IL31RA: variants seen among roughly 807,000 people sequenced by gnomAD.
IL31RA encodes interleukin 31 receptor A.
IL31RA carries 66 observed loss-of-function variants against 83.7 expected under a neutral mutation model. The observed-to-expected ratio is 0.79, with a 90% confidence interval of 0.65 to 0.97. The LOEUF is 0.97. Ranked by LOEUF, IL31RA falls within the 50% of genes least tolerant of loss-of-function variation. The probability of loss-of-function intolerance (pLI) is 0.00; values close to 1 mark genes in which losing one functional copy is unlikely to be tolerated. For synonymous variants in IL31RA, 325 were observed against 329.0 expected (o/e 0.99, Z 0.13); for missense variants, 798 against 919.4 (o/e 0.87, Z 1.71).
At chr5:55,898,525 AG>A (rs1748576714) in intron 7 of IL31RA, among the ~76,000 whole-genome samples, 2 of 151,912 alleles carry the variant, frequency 1.3e-5, no homozygotes, top group Non-Finnish European at 2.9e-5. Flanking sequence ...TATTTTAAAA[AG>A]AATGTTATTT....
At chr5:55,870,895 A>G (rs551686787) in intron 3 of IL31RA, among the ~76,000 whole-genome samples, 23 of 152,316 alleles carry the variant, frequency 1.5e-4, no homozygotes, top group African/African-American at 5.1e-4. Flanking sequence ...TTTTGAACTG[A>G]GGCTGAAAGG....
At chr5:55,858,518 A>G (rs982474902) in intron 1 of IL31RA, among the ~76,000 whole-genome samples, 1 of 152,188 alleles carries the variant, frequency 6.6e-6, no homozygotes, top group Admixed American at 6.5e-5. Context: ...CCAATTCGCT[A>G]AGGATTTCAG....
chr5:55,872,568 G>T, intron 4 of IL31RA, 117 bp downstream of exon 4: 1 of 352,230 alleles, frequency 2.8e-6, no homozygotes, highest in South Asian at 3.2e-5. Context: ...ATGTGTTGTG[G>T]GTATACAGAA....
chr5:55,873,504 T>C (rs1746661407), intron 4 of IL31RA, among the ~76,000 whole-genome samples: 1 of 152,126 alleles, frequency 6.6e-6, no homozygotes, highest in African/African-American at 2.4e-5. Context: ...CTGCACCATT[T>C]AACATTCCCA....
chr5:55,881,716 AT>A (rs34217814), intron 4 of IL31RA, among the ~76,000 whole-genome samples: 262 of 59,610 alleles, frequency 4.4e-3, no homozygotes, highest in African/African-American at 0.015. Context: ...AGTTCCTGAG[AT>A]TTTTTTTTTT....
At chr5:55,885,469 A>G (rs1423620935) in intron 5 of IL31RA, among the ~76,000 whole-genome samples, 1 of 152,212 alleles carries the variant, frequency 6.6e-6, no homozygotes, top group African/African-American at 2.4e-5. Context: ...ACTGAATACC[A>G]GGCCACCACA....
At chr5:55,873,162 G>A in intron 4 of IL31RA, among the ~76,000 whole-genome samples, 1 of 152,092 alleles carries the variant, frequency 6.6e-6, no homozygotes, top group East Asian at 1.9e-4. Flanking sequence ...AATATAATAT[G>A]TGGTCTTTTT....
intron 1 of IL31RA, among the ~76,000 whole-genome samples, chr5:55,858,322 G>A (rs1161430580): frequency 6.6e-6 from 1 of 152,150 alleles, no homozygotes; most frequent in Non-Finnish European, 1.5e-5. Flanking sequence ...CTAAAGGCGT[G>A]TCTTCTTCTT....
chr5:55,840,953 A>C, the IL31RA span, among the ~76,000 whole-genome samples: 11 of 152,174 alleles, frequency 7.2e-5, no homozygotes, highest in Non-Finnish European at 1.6e-4. Context: ...CATCCTTGGC[A>C]CATAGTAGAT....
chr5:55,868,726 G>C (rs1746332674), intron 2 of IL31RA, 65 bp from the exon 3 acceptor site: 1 of 956,356 alleles, frequency 1.0e-6, no homozygotes. Flanking sequence ...AATGTTCAAT[G>C]CTGGCAATAT....
At chr5:55,888,676 T>C (rs532496657) in intron 5 of IL31RA, among the ~76,000 whole-genome samples, 4 of 152,314 alleles carry the variant, frequency 2.6e-5, no homozygotes, top group Non-Finnish European at 4.4e-5. Context: ...CCTGTTCTAG[T>C]TGGATCCCTA....
At chr5:55,886,818 C>T (rs1242327097) in intron 5 of IL31RA, among the ~76,000 whole-genome samples, 1 of 152,214 alleles carries the variant, frequency 6.6e-6, no homozygotes, top group African/African-American at 2.4e-5. Context: ...TTTCCTAGAA[C>T]ACCCTCTGCT....
In IL31RA at chr5:55,851,454, C is replaced by CAA. The variant is rs139199403; in HGVS notation, c.-109_-108dup. On this transcript the variant is annotated 5_prime_UTR_variant, in exon 1 of 15. Transcript: ENST00000652347. ...ATCACTCATAAAAGGCAAAAAATTG[C>CAA]AAAAAAAAATAGTAATAACCAGCAT... The CAA allele has an allele frequency of 3.9e-6, 6 of 1,557,666 alleles. No homozygotes were observed. The highest frequency in any genetic ancestry group is 1.4e-5 in the African/African-American group (1 of 72,466).
chr5:55,917,737 C>T lies in IL31RA; in HGVS notation c.*617C>T, dbSNP rs1252332842. Among the ~76,000 whole-genome samples, 1 of 152,008 alleles carries T rather than the reference C, an allele frequency of 6.6e-6. No homozygotes were observed. Among genetic ancestry groups the T allele is most frequent in the Non-Finnish European group, 1.5e-5 (1 of 68,038 alleles). On this transcript the variant is annotated 3_prime_UTR_variant, in exon 15 of 15. Transcript: ENST00000652347. ...TAGCAACACCGCACCTGAGAATCCTCACCCCCAATTTAGACTGCATTGACT... is the reference window on the plus strand; with the variant it reads ...TAGCAACACCGCACCTGAGAATCCTTACCCCCAATTTAGACTGCATTGACT...
rs570970315 is a variant in IL31RA at position 55,921,840 on chromosome 5, A to G, written c.*4720A>G. ...ACATTGACAGACCAGCTGAGTTGCTAGAAATAAGAGGGACTCAGTAGGCCC... is the reference window on the plus strand; with the variant it reads ...ACATTGACAGACCAGCTGAGTTGCTGGAAATAAGAGGGACTCAGTAGGCCC... On this transcript the variant is annotated 3_prime_UTR_variant, in exon 15 of 15. Coordinates refer to ENST00000652347, the MANE Select transcript of IL31RA (RefSeq NM_139017.7). Among the ~76,000 whole-genome samples the G allele has an allele frequency of 3.3e-5, 5 of 152,302 alleles. No individual in the cohort carries two copies. The South Asian group carries it at 6.2e-4, about 19-fold the overall frequency.
At chr5:55,857,982 C>T (rs1745456064) in intron 1 of IL31RA, among the ~76,000 whole-genome samples, 1 of 152,102 alleles carries the variant, frequency 6.6e-6, no homozygotes, top group Non-Finnish European at 1.5e-5. Context: ...TTTTCAACTA[C>T]TGTAACTTTT....
Position 55,918,275 on chromosome 5 carries a change from C to A in IL31RA, c.*1155C>A, listed in dbSNP as rs1374100015. ...GTGAGTGGCCCAAGGTGCAGTGAAC[C>A]CAGCACTTGCCAGCCAGGAAGGCTG... On this transcript the variant is annotated 3_prime_UTR_variant, in exon 15 of 15. Coordinates refer to ENST00000652347, the MANE Select transcript of IL31RA (RefSeq NM_139017.7). Among the ~76,000 whole-genome samples the A allele has an allele frequency of 6.6e-6, 1 of 152,140 alleles. No individual in the cohort carries two copies. The highest frequency in any genetic ancestry group is 2.4e-5 in the African/African-American group (1 of 41,428).
intron 5 of IL31RA, among the ~76,000 whole-genome samples, chr5:55,887,624 C>T (rs557972127): frequency 7.2e-5 from 11 of 152,230 alleles, no homozygotes; most frequent in South Asian, 2.1e-4. Flanking sequence ...CGGTGGCTCA[C>T]GCCTGTAATC....
In IL31RA at chr5:55,917,241, C is replaced by A; in HGVS notation, c.*121C>A. On this transcript the variant is annotated 3_prime_UTR_variant, in exon 15 of 15. Coordinates refer to ENST00000652347, the MANE Select transcript of IL31RA (RefSeq NM_139017.7). ...CCACATCCTGCCTAGGTTAAAGTTT[C>A]CCCTGCCCCTTGAGCTGCCAGTTGA... The A allele has an allele frequency of 6.3e-7, 1 of 1,588,028 alleles. No individual in the cohort carries two copies. Among genetic ancestry groups the A allele is most frequent in the South Asian group, 1.1e-5 (1 of 89,424 alleles).
Sources: allele counts gnomAD v4.1 joint callset (sites outside exome capture counted in the v4.1 genomes callset), GRCh38; gene constraint gnomAD v4.1.1; transcripts MANE v1.5; gene names NCBI Gene and HGNC (gene_info 2026-07-23, HGNC 2026-07-21).